The following EMC10 variants were observed in gnomAD, a reference collection of about 807,000 sequenced individuals.
EMC10 encodes the protein ER membrane protein complex subunit 10.
Under a neutral mutation model 32.2 loss-of-function variants are expected in EMC10, and 40 were observed. The observed-to-expected ratio is 1.24, with a 90% CI of 0.96 to 1.61. The LOEUF (loss-of-function observed/expected upper bound fraction) is 1.61. Among genes scored for constraint, EMC10 ranks in the 40% most tolerant of loss-of-function variants. The pLI is 0.00. For missense variants in EMC10, 402 were observed against 357.7 expected (o/e 1.12, Z -1.00); for synonymous variants, 178 against 158.4 (o/e 1.12, Z -0.93).
Position 50,476,653 on chromosome 19 carries a change from C to G in EMC10, c.109C>G (p.Arg37Gly). 4 of 1,526,878 alleles carry G rather than the reference C, an allele frequency of 2.6e-6. No individual in the cohort carries two copies. Among genetic ancestry groups the G allele is most frequent in the South Asian group, 1.2e-5 (1 of 82,570 alleles). 94.6% of individuals were successfully genotyped at this position (1,526,878 alleles called of 1,614,324 possible). A position where few individuals can be genotyped will look rare whatever the true frequency, so the allele number is the denominator to read the frequency against. ...GSGCRAGTGA[R>G]GAGAEGREGE... ...CGGCTGCCGGGCCGGGACTGGTGCG[C>G]GAGGGGTGAGTGCTCTTTAGCTGTG... The change falls in exon 1 of 7, where the codon CGA becomes GGA. Residue 37 changes from arginine to glycine, a missense_variant. By Grantham distance (125) the Arg-to-Gly change is moderately radical. Transcript: ENST00000334976.
Position 50,477,981 on chromosome 19 carries a change from T to C in EMC10, c.167T>C (p.Leu56Pro), listed in dbSNP as rs2040256454. ...GEACGTVGLL[L>P]EHSFEIDDSA... ...GCCTGTGGCACGGTGGGGCTGCTGC[T>C]GGAGCACTCATTTGAGATCGGTGAG... is the stretch of plus-strand genomic sequence containing the variant. The change falls in exon 2 of 7, where the codon CTG becomes CCG. Residue 56 changes from leucine (L) to proline (P), a missense_variant. Coordinates refer to ENST00000334976, the MANE Select transcript of EMC10 (RefSeq NM_206538.4). 6.2e-7 allele frequency: 1 copy of C among 1,603,794 alleles called. No homozygotes were observed. The highest frequency in any genetic ancestry group is 8.5e-7 in the Non-Finnish European group (1 of 1,176,792).
chr19:50,479,996 G>A (rs1253467195), intron 3 of EMC10, 115 bp from the exon 4 acceptor site: 1 of 806,400 alleles, frequency 1.2e-6, no homozygotes, highest in Non-Finnish European at 1.9e-6. Context: ...TGGGGAGTGT[G>A]GGCCGTGAGG....
rs1182281469 is a variant in EMC10, at chr19:50,480,779, T to C, written c.584+17T>C. On this transcript the variant is annotated intron_variant, in intron 5 of 6. Coordinates refer to ENST00000334976, the MANE Select transcript of EMC10 (RefSeq NM_206538.4). This position sits in a 1 kb window ranked among gnomAD's most constrained non-coding sequence, Gnocchi z 4.4. ...AGCCCCAGGGTGAGCCTCTGCTGCC[T>C]TCGCGGCGCTCTTGCCACCTGCCCC... The C allele has an allele frequency of 1.9e-6, 3 of 1,572,782 alleles. No homozygotes were observed. In the African/African-American group the frequency reaches 4.0e-5, roughly 21 times the overall value.
rs1475479205 is a variant in EMC10 at position 50,480,210 on chromosome 19, C to T, written c.397C>T (p.Pro133Ser). The T allele has an allele frequency of 6.2e-7, 1 of 1,613,450 alleles. No individual in the cohort carries two copies. The highest frequency in any genetic ancestry group is 8.5e-7 in the Non-Finnish European group (1 of 1,179,748). ...EAGGYVSSFV[P>S]ACSLVESHLS... ...TGGTGGCTATGTCTCCTCCTTTGTC[C>T]CTGCGGTGAGTTGGTGTCGGGGATG... is the stretch of plus-strand genomic sequence containing the variant. The change falls in exon 4 of 7, where the codon CCT (proline) becomes TCT (serine). Residue 133 changes from proline (P) to serine (S), a missense_variant. Coordinates refer to ENST00000334976, the MANE Select transcript of EMC10 (RefSeq NM_206538.4). The surrounding 1 kb of genome is among the most constrained non-coding windows in gnomAD (Gnocchi z 4.4).
rs1315495763 is a variant in EMC10 at position 50,480,705 on chromosome 19, T to A, written c.527T>A (p.Val176Glu). 1 of 1,605,404 alleles carries A rather than the reference T, an allele frequency of 6.2e-7. No individual in the cohort carries two copies. The highest frequency in any genetic ancestry group is 1.3e-5 in the African/African-American group (1 of 74,750). Residue 176 changes from valine to glutamate, a missense_variant, in exon 5 of 7, where the codon GTG becomes GAG. Coordinates refer to ENST00000334976, the MANE Select transcript of EMC10 (RefSeq NM_206538.4). This position sits in a 1 kb window ranked among gnomAD's most constrained non-coding sequence, Gnocchi z 4.4. ...TGCCGGGGCCATGAGGTGGAGGACG[T>A]GGACCTGGAGCTGTTCAACACCTCG... ...GGCRGHEVED[V>E]DLELFNTSVQ...
At chr19:50,478,411 G>T (rs1254091092) in intron 2 of EMC10, among the ~76,000 whole-genome samples, 1 of 152,210 alleles carries the variant, frequency 6.6e-6, no homozygotes, top group Admixed American at 6.5e-5. Flanking sequence ...CATCGTGAGT[G>T]AGTGGCAGAG....
chr19:50,489,764 G>C lies in EMC10; in HGVS notation c.*7505G>C, dbSNP rs1458064671. 6.5e-6 allele frequency: 1 copy of C among 153,852 alleles called. No individual in the cohort carries two copies. Among genetic ancestry groups the C allele is most frequent in the Admixed American group, 6.5e-5 (1 of 15,298 alleles). The allele number at this position is 153,852 out of a possible 1,614,324, so 9.5% of individuals were successfully genotyped here. A position where few individuals can be genotyped will look rare whatever the true frequency, so the allele number is the denominator to read the frequency against. On this transcript the variant is annotated 3_prime_UTR_variant, in exon 7 of 7. Coordinates refer to ENST00000334976, the MANE Select transcript of EMC10 (RefSeq NM_206538.4). ...GAAGGTGCGGCAGAGAAGGGCCCAG[G>C]AGAAAGGAGGAAGGGAAGGAGCTGG...
Position 50,482,924 on chromosome 19 carries a change from C to T in EMC10, c.*665C>T. ...TGCCTTTAAGGTGACAGGCCCTCCA[C>T]AGGCTTCCAGACTTGAAGGAAAAGG... On this transcript the variant is annotated 3_prime_UTR_variant, in exon 7 of 7. Transcript: ENST00000334976. 1.8e-6 allele frequency: 1 copy of T among 564,546 alleles called. No homozygotes were observed. Among genetic ancestry groups the T allele is most frequent in the Non-Finnish European group, 3.1e-6 (1 of 318,868 alleles). The allele number at this position is 564,546 out of a possible 1,614,324, so 35.0% of individuals were successfully genotyped here. A position where few individuals can be genotyped will look rare whatever the true frequency, so the allele number is the denominator to read the frequency against.
At chr19:50,476,694 C>G (rs1171924737) in intron 1 of EMC10, 36 bp downstream of exon 1, 4 of 1,325,112 alleles carry the variant, frequency 3.0e-6, no homozygotes, top group South Asian at 1.4e-5. Context: ...CGGGCGCGGT[C>G]TACGGATGTC....
At position 50,490,041 on chromosome 19, in the gene EMC10, G is replaced by T. The variant is rs1978555852; in HGVS notation, c.*7782G>T. 1 of 152,180 alleles carries T rather than the reference G, an allele frequency of 6.6e-6. No homozygotes were observed. 9.4% of individuals were successfully genotyped at this position (152,180 alleles called of 1,614,324 possible). A position where few individuals can be genotyped will look rare whatever the true frequency, so the allele number is the denominator to read the frequency against. Reference sequence around the variant, plus strand: ...ACCAGACTCCTCATCCGGTAACACTGTGTCAGGTCATTGCCCTCCCACCCC... The same window carrying T: ...ACCAGACTCCTCATCCGGTAACACTTTGTCAGGTCATTGCCCTCCCACCCC... On this transcript the variant is annotated 3_prime_UTR_variant, in exon 7 of 7. Transcript: ENST00000334976.
rs772249636 is a variant in EMC10, at chr19:50,480,670, C to T, written c.492C>T (p.His164=). The T allele has an allele frequency of 3.8e-6, 6 of 1,599,132 alleles. No individual in the cohort carries two copies. The highest frequency in any genetic ancestry group is 2.7e-5 in the African/African-American group (2 of 74,648). ...GNVVGVSVVT[H]PGGCRGHEVE... ...TGGTGGGCGTGTCGGTGGTGACGCA[C>T]CCCGGGGGCTGCCGGGGCCATGAGG... The change falls in exon 5 of 7, where the codon CAC becomes CAT. Residue 164 remains histidine, a synonymous_variant. Coordinates refer to ENST00000334976, the MANE Select transcript of EMC10 (RefSeq NM_206538.4). The surrounding 1 kb of genome is among the most constrained non-coding windows in gnomAD (Gnocchi z 4.4).
rs899720390 is a variant in EMC10, at chr19:50,483,405, C to T, written c.*1146C>T. ...ATAGCACCCTAGTGAGTGCTGTCGT[C>T]CAGTCTCTCTTGGGTGTGGTTTGAA... On this transcript the variant is annotated 3_prime_UTR_variant, in exon 7 of 7. Coordinates refer to ENST00000334976, the MANE Select transcript of EMC10 (RefSeq NM_206538.4). 2.2e-5 allele frequency: 5 copies of T among 223,086 alleles called. No individual in the cohort carries two copies. The highest frequency in any genetic ancestry group is 1.2e-4 in the African/African-American group (5 of 42,986). The allele number at this position is 223,086 out of a possible 1,614,324, so 13.8% of individuals were successfully genotyped here.
Position 50,482,179 on chromosome 19 carries a change from C to T in EMC10, c.709C>T (p.Leu237Phe). 6.3e-7 allele frequency: 1 copy of T among 1,594,460 alleles called. No individual in the cohort carries two copies. Among genetic ancestry groups the T allele is most frequent in the Non-Finnish European group, 8.6e-7 (1 of 1,164,030 alleles). ...GTACATCATTCCCGTCGTCCTGTTC[C>T]TCATGATGTCAGGAGCGCCAGACAC... Reference protein sequence around the residue: ...WMYIIPVVLFLMMSGAPDTGG... With the variant: ...WMYIIPVVLFFMMSGAPDTGG... Residue 237 changes from leucine (L) to phenylalanine (F), a missense_variant, in exon 7 of 7, where the codon CTC becomes TTC. By Grantham distance (22) the Leu-to-Phe change is conservative. Coordinates refer to ENST00000334976, the MANE Select transcript of EMC10 (RefSeq NM_206538.4).
intron 6 of EMC10, 26 bp from the exon 7 acceptor site, chr19:50,482,123 C>A: frequency 6.9e-7 from 1 of 1,439,742 alleles, no homozygotes; most frequent in Non-Finnish European, 9.8e-7. Context: ...CTGTGTCTGT[C>A]TGTCCATCCT....
chr19:50,479,013 A>C lies in EMC10; in HGVS notation c.244A>C (p.Thr82Pro). Reference protein sequence around the residue: ...GSLLWNQQDGTLSLSQRQLSE... With the variant: ...GSLLWNQQDGPLSLSQRQLSE... ...ACTGCTCTGGAACCAGCAGGATGGT[A>C]CCTTGTCCCTGTCACAGCGGCAGCT... Residue 82 changes from threonine to proline, a missense_variant, in exon 3 of 7, where the codon ACC (threonine) becomes CCC (proline). Physicochemically the swap from Thr to Pro is conservative, Grantham distance 38. Transcript: ENST00000334976. 1.2e-6 allele frequency: 2 copies of C among 1,611,324 alleles called. No homozygotes were observed. Among genetic ancestry groups the C allele is most frequent in the Non-Finnish European group, 1.7e-6 (2 of 1,179,554 alleles).
rs746288291 is a variant in EMC10, at chr19:50,478,961, CA to C, written c.193del (p.Ser65ValfsTer40). 19 of 1,605,642 alleles carry C rather than the reference CA, an allele frequency of 1.2e-5. No homozygotes were observed. Among genetic ancestry groups the C allele is most frequent in the Middle Eastern group, 2.0e-4 (1 of 5,098 alleles). ...LLEHSFEIDD[S>X]ANFRKRGSLL... is the part of the protein sequence containing the mutation. ...CTGAACCTGAGCTCCTCACAGATGA[CA>C]GTGCCAACTTCCGGAAGCGGGGCTC... On this transcript the variant is annotated frameshift_variant, in exon 3 of 7. Coordinates refer to ENST00000334976, the MANE Select transcript of EMC10 (RefSeq NM_206538.4). LOFTEE classifies it high-confidence loss of function.
At chr19:50,481,865 A>T (rs1375821915) in intron 6 of EMC10, 1 of 1,578,076 alleles carries the variant, frequency 6.3e-7, no homozygotes, top group African/African-American at 1.4e-5. Flanking sequence ...CCCCAGTGGC[A>T]CATCATCCTG....
At position 50,479,681 on chromosome 19, in the gene EMC10, C is replaced by T. The variant is rs147110333; in HGVS notation, c.298-430C>T. Among the ~76,000 whole-genome samples, 625 of 152,328 alleles carry T rather than the reference C, an allele frequency of 4.1e-3. 4 individuals carry two copies. The highest frequency in any genetic ancestry group is 0.014 in the African/African-American group (599 of 41,582). On this transcript the variant is annotated intron_variant, in intron 3 of 6. Coordinates refer to ENST00000334976, the MANE Select transcript of EMC10 (RefSeq NM_206538.4). ...AGTGCAGGCTTGATTCTGGTGGCCA[C>T]GCGGTGAGGTCTGCCTGAGCACCCT... is the stretch of plus-strand genomic sequence containing the variant.
At position 50,484,901 on chromosome 19, in the gene EMC10, CT is replaced by C. The variant is rs1057193620; in HGVS notation, c.*2644del. On this transcript the variant is annotated 3_prime_UTR_variant, in exon 7 of 7. Coordinates refer to ENST00000334976, the MANE Select transcript of EMC10 (RefSeq NM_206538.4). ...TGCTCACTCTGGGCTCCAGCACCCACTTCCCCTCCCTGGAGGCAGCCTGAGT... is the reference window on the plus strand; with the variant it reads ...TGCTCACTCTGGGCTCCAGCACCCACTCCCCTCCCTGGAGGCAGCCTGAGT... The C allele has an allele frequency of 2.0e-5, 3 of 152,212 alleles. No individual in the cohort carries two copies. The highest frequency in any genetic ancestry group is 7.2e-5 in the African/African-American group (3 of 41,444). 9.4% of individuals were successfully genotyped at this position (152,212 alleles called of 1,614,324 possible).
Sources: allele counts gnomAD v4.1 joint callset (sites outside exome capture counted in the v4.1 genomes callset), GRCh38; gene constraint gnomAD v4.1.1; non-coding constraint Gnocchi (gnomAD v3.1); transcripts MANE v1.5; gene names NCBI Gene and HGNC (gene_info 2026-07-23, HGNC 2026-07-21).